SLC6A17: variants seen among roughly 807,000 people sequenced by gnomAD.
SLC6A17 encodes the protein solute carrier family 6 member 17.
In SLC6A17, 21 loss-of-function variants were observed where a neutral mutation model predicts 64.5. The observed-to-expected ratio is 0.33, with a 90% confidence interval of 0.23 to 0.47. The LOEUF (loss-of-function observed/expected upper bound fraction) is 0.47. Ranked by LOEUF, SLC6A17 falls within the 20% of genes least tolerant of loss-of-function variation. The probability of loss-of-function intolerance (pLI) is 1.00; values close to 1 mark genes in which losing one functional copy is unlikely to be tolerated. For missense variants in SLC6A17, 682 were observed against 963.2 expected (o/e 0.71, Z 3.86); for synonymous variants, 372 against 399.5 (o/e 0.93, Z 0.82).
chr1:110,192,300 GGA>G lies in SLC6A17; in HGVS notation c.1106+93_1106+94del. On this transcript the variant is annotated intron_variant, in intron 7 of 11. Coordinates refer to ENST00000331565, the MANE Select transcript of SLC6A17 (RefSeq NM_001010898.4). The surrounding 1 kb of genome is among the most constrained non-coding windows in gnomAD (Gnocchi z 4.3). Reference sequence around the variant, plus strand: ...GGGGTGGGGGCGCAGGTGTGCATGGGGAGAGAGGTCCCCTCCACTCAGACTGA... The same window carrying G: ...GGGGTGGGGGCGCAGGTGTGCATGGGGAGAGGTCCCCTCCACTCAGACTGA... 2 of 1,543,270 alleles carry G rather than the reference GGA, an allele frequency of 1.3e-6. No homozygotes were observed. The highest frequency in any genetic ancestry group is 1.8e-6 in the Non-Finnish European group (2 of 1,139,468).
At chr1:110,186,445 C>CAA (rs55986433) in intron 6 of SLC6A17, among the ~76,000 whole-genome samples, 22,599 of 87,270 alleles carry the variant, frequency 0.26, 1,944 homozygotes, top group South Asian at 0.39. Context: ...AAATAATTAC[C>CAA]AAAAAAAAAA....
intron 6 of SLC6A17, among the ~76,000 whole-genome samples, chr1:110,176,946 G>A (rs1002417192): frequency 6.6e-6 from 1 of 152,208 alleles, no homozygotes; most frequent in African/African-American, 2.4e-5. Flanking sequence ...CGATTTGGGT[G>A]AAATTAGAAA....
chr1:110,176,292 A>G (rs1656371616), intron 5 of SLC6A17, among the ~76,000 whole-genome samples: 1 of 152,018 alleles, frequency 6.6e-6, no homozygotes. Context: ...CACTGGGGGA[A>G]TGAGACATGG....
intron 6 of SLC6A17, chr1:110,178,205 A>G (rs572420807): frequency 6.6e-6 from 1 of 152,328 alleles, no homozygotes; most frequent in East Asian, 1.9e-4. Flanking sequence ...CTACTTTACT[A>G]AACTTTAGGA....
intron 6 of SLC6A17, among the ~76,000 whole-genome samples, chr1:110,191,171 C>T (rs773112901): frequency 3.3e-5 from 5 of 152,060 alleles, no homozygotes; most frequent in Admixed American, 2.6e-4. Flanking sequence ...TGCCACTTAC[C>T]AAAAGCTTCA....
At chr1:110,184,830 C>T (rs909575863) in intron 6 of SLC6A17, among the ~76,000 whole-genome samples, 16 of 152,172 alleles carry the variant, frequency 1.1e-4, no homozygotes, top group Middle Eastern at 6.8e-3. Flanking sequence ...TGCTGGTATA[C>T]GCATAAAATA....
At chr1:110,153,243 T>C (rs1570974323) in intron 1 of SLC6A17, among the ~76,000 whole-genome samples, 1 of 152,102 alleles carries the variant, frequency 6.6e-6, no homozygotes, top group East Asian at 1.9e-4. Flanking sequence ...GGTCTTACCA[T>C]CCTCCTCCCC....
At chr1:110,172,330 G>A (rs1656264493) in intron 3 of SLC6A17, 113 bp downstream of exon 3, 3 of 1,325,632 alleles carry the variant, frequency 2.3e-6, no homozygotes, top group Non-Finnish European at 3.0e-6. Context: ...ACAAGGGCAG[G>A]GAGGGGGATC....
chr1:110,172,149 C>G lies in SLC6A17; in HGVS notation c.376C>G (p.Arg126Gly). The change falls in exon 3 of 12, where the codon CGC becomes GGC. Residue 126 changes from arginine (R) to glycine (G), a missense_variant. Arg to Gly is a moderately radical substitution (Grantham distance 125). This residue lies in a region of SLC6A17 where 415 missense variants were observed against 603.8 expected (regional missense o/e 0.69). Coordinates refer to ENST00000331565, the MANE Select transcript of SLC6A17 (RefSeq NM_001010898.4). ...GCTGGCTGTGGGTCAGAGGATCCGC[C>G]GCGGCAGCATCGGTGTGTGGCACTA... ...LELAVGQRIR[R>G]GSIGVWHYIC... The G allele has an allele frequency of 6.2e-7, 1 of 1,613,548 alleles. No homozygotes were observed. Among genetic ancestry groups the G allele is most frequent in the Non-Finnish European group, 8.5e-7 (1 of 1,179,804 alleles).
intron 3 of SLC6A17, among the ~76,000 whole-genome samples, chr1:110,173,478 C>T (rs1284902796): frequency 6.6e-6 from 1 of 152,200 alleles, no homozygotes; most frequent in Non-Finnish European, 1.5e-5. Context: ...TGACAAGTGC[C>T]ATCTTTCTAG....
Position 110,194,567 on chromosome 1 carries a change from C to T in SLC6A17, c.1300-12C>T, listed in dbSNP as rs1193440793. The T allele has an allele frequency of 1.2e-6, 2 of 1,610,682 alleles. No individual in the cohort carries two copies. Among genetic ancestry groups the T allele is most frequent in the Non-Finnish European group, 1.7e-6 (2 of 1,177,226 alleles). On this transcript the variant is annotated splice_polypyrimidine_tract_variant and intron_variant, in intron 8 of 11. Coordinates refer to ENST00000331565, the MANE Select transcript of SLC6A17 (RefSeq NM_001010898.4). ...GTGACCTCACAGGCCCTGCTTTCCA[C>T]CCCACCTTCAGTCCGTGCAGGGCAC...
intron 2 of SLC6A17, among the ~76,000 whole-genome samples, chr1:110,169,184 C>T (rs182556796): frequency 1.1e-4 from 17 of 152,256 alleles, no homozygotes; most frequent in Admixed American, 9.2e-4. Flanking sequence ...TTGCATAGTT[C>T]TGGACAGAAA....
intron 1 of SLC6A17, among the ~76,000 whole-genome samples, chr1:110,165,849 C>T (rs1656035866): frequency 6.6e-6 from 1 of 152,176 alleles, no homozygotes; most frequent in South Asian, 2.1e-4. Context: ...GCAGGGCAAC[C>T]GCAGGCTGGG....
intron 8 of SLC6A17, among the ~76,000 whole-genome samples, chr1:110,194,281 G>C (rs1287283639): frequency 1.3e-5 from 2 of 152,172 alleles, no homozygotes; most frequent in Admixed American, 6.5e-5. Flanking sequence ...CCTGAGCTGG[G>C]TGTATTTCTA....
intron 10 of SLC6A17, among the ~76,000 whole-genome samples, chr1:110,196,638 G>A (rs1336107741): frequency 6.6e-6 from 1 of 152,014 alleles, no homozygotes; most frequent in African/African-American, 2.4e-5. Flanking sequence ...AAATGTGTAG[G>A]GTTATATAAG....
intron 8 of SLC6A17, 116 bp from the exon 9 acceptor site, chr1:110,194,463 A>T: frequency 1.8e-6 from 2 of 1,099,890 alleles, no homozygotes; most frequent in Non-Finnish European, 2.6e-6. Flanking sequence ...TGGAGGTGGG[A>T]ACCCCTGTGA....
At chr1:110,151,076 C>T (rs576995466) in intron 1 of SLC6A17, among the ~76,000 whole-genome samples, 193 bp downstream of exon 1, 1 of 152,218 alleles carries the variant, frequency 6.6e-6, no homozygotes, top group Non-Finnish European at 1.5e-5. Context: ...GACGGAGCCC[C>T]GGGGCCCGCT....
At position 110,167,224 on chromosome 1, in the gene SLC6A17, C is replaced by T. The variant is rs1656090331; in HGVS notation, c.286+9C>T. On this transcript the variant is annotated intron_variant, in intron 2 of 11. Transcript: ENST00000331565. ...CCAGAAAAATGGAGGAGGTAAGAGA[C>T]AGCTCTGCCTGCATCAGGGGTCCCC... is the stretch of plus-strand genomic sequence containing the variant. The T allele has an allele frequency of 6.2e-7, 1 of 1,606,950 alleles. No homozygotes were observed. Among genetic ancestry groups the T allele is most frequent in the African/African-American group, 1.3e-5 (1 of 74,706 alleles).
intron 9 of SLC6A17, chr1:110,195,077 T>C (rs1656925355): frequency 2.1e-6 from 1 of 465,994 alleles, no homozygotes; most frequent in East Asian, 4.3e-5. Flanking sequence ...CTGAGTCGTC[T>C]TGGGCAGGGG....
Sources: allele counts gnomAD v4.1 joint callset (sites outside exome capture counted in the v4.1 genomes callset), GRCh38; gene constraint gnomAD v4.1.1; regional missense constraint gnomAD v4.1.1; non-coding constraint Gnocchi (gnomAD v3.1); transcripts MANE v1.5; gene names NCBI Gene and HGNC (gene_info 2026-07-23, HGNC 2026-07-21).